The following WNK3 variants were observed in gnomAD, a reference collection of about 807,000 sequenced individuals.
The protein encoded by WNK3 is serine/threonine-protein kinase WNK3.
A neutral mutation model predicts 116.7 loss-of-function variants in WNK3; 18 were observed. The observed-to-expected ratio is 0.15, with a 90% CI of 0.11 to 0.23. WNK3 has a LOEUF of 0.23. Among genes scored for constraint, WNK3 ranks in the 10% least tolerant of loss-of-function variants. The pLI, the probability that WNK3 is intolerant of heterozygous loss-of-function variation, is 1.00. For synonymous variants in WNK3, 404 were observed against 469.4 expected (o/e 0.86, Z 1.80); for missense variants, 993 against 1,323.8 (o/e 0.75, Z 3.88).
At chrX:54,338,650 A>G (rs1347842121) in intron 1 of WNK3, among the ~76,000 whole-genome samples, 5 of 109,796 alleles carry the variant, frequency 4.6e-5, no homozygotes, top group Non-Finnish European at 9.5e-5. Flanking sequence ...GAGGAGTGGC[A>G]AGTACTGGTG....
intron 1 of WNK3, among the ~76,000 whole-genome samples, chrX:54,342,733 A>G (rs1557176689): frequency 9.0e-6 from 1 of 111,209 alleles, no homozygotes; most frequent in Non-Finnish European, 1.9e-5. Context: ...TAAAGGCCTG[A>G]CAACAATAAA....
At chrX:54,301,068 C>T (rs781919697) in intron 6 of WNK3, among the ~76,000 whole-genome samples, 2 of 108,404 alleles carry the variant, frequency 1.8e-5, no homozygotes, top group Non-Finnish European at 3.8e-5. Context: ...CATGGTAAAA[C>T]CCTGTCTCTA....
At chrX:54,249,305 C>A in exon 17 of WNK3, 2 of 1,212,077 alleles carry the variant, frequency 1.7e-6, no homozygotes, top group Non-Finnish European at 2.2e-6. Context: ...ATAAGTGCAT[C>A]AGCCTGACTG....
intron 2 of WNK3, among the ~76,000 whole-genome samples, chrX:54,323,046 G>A (rs782524462): frequency 2.4e-4 from 27 of 110,753 alleles, no homozygotes; most frequent in African/African-American, 6.9e-4. Context: ...TAAAATCAGC[G>A]GGCAAAAGTT....
At chrX:54,351,937 A>C (rs1557178580) in intron 1 of WNK3, among the ~76,000 whole-genome samples, 4 of 111,701 alleles carry the variant, frequency 3.6e-5, no homozygotes, top group African/African-American at 1.3e-4. Flanking sequence ...CAAAACAATA[A>C]AATAAAGCAG....
intron 1 of WNK3, among the ~76,000 whole-genome samples, chrX:54,349,023 T>C (rs1218719359): frequency 1.2e-4 from 13 of 112,169 alleles, no homozygotes. Flanking sequence ...TCAGTAATCA[T>C]TACAAAATGT....
Position 54,237,030 on chromosome X carries a change from G to A in WNK3, c.4536C>T (p.Leu1512=), listed in dbSNP as rs2067968582. Residue 1512 remains leucine, a synonymous_variant, in exon 20 of 24, where the codon CTC becomes CTT. Coordinates refer to ENST00000354646, the Ensembl canonical transcript of WNK3. The stretch of plus-strand genomic sequence containing the variant: ...TCATTGGGGAAGATGGCGAATAGAA[G>A]AGTGAACTCTGTGTTTGAGCATAAG... 13 of 1,212,069 alleles carry A rather than the reference G, an allele frequency of 1.1e-5. No homozygotes were observed. The East Asian group carries it at 1.8e-4, about 17-fold the overall frequency.
At chrX:54,194,627 G>T (rs1569534479) in exon 24 of WNK3, 2 of 110,909 alleles carry the variant, frequency 1.8e-5, no homozygotes, top group African/African-American at 6.6e-5. Context: ...GAAGCACATG[G>T]CTCTCCACTT....
At chrX:54,266,452 T>G (rs1290023087) in intron 10 of WNK3, among the ~76,000 whole-genome samples, 1 of 111,732 alleles carries the variant, frequency 8.9e-6, no homozygotes, top group Non-Finnish European at 1.9e-5. Flanking sequence ...ATAATTAGAT[T>G]GTAACACAAA....
At chrX:54,302,727 CTCTCTATATA>C (rs2068773853) in intron 5 of WNK3, among the ~76,000 whole-genome samples, 1 of 32,939 alleles carries the variant, frequency 3.0e-5, no homozygotes, top group African/African-American at 1.1e-4. Flanking sequence ...CTCTCTCTCT[CTCTCTATATA>C]TATATATATA....
Position 54,240,310 on chromosome X carries a change from A to C in WNK3, c.3652-1211T>G, listed in dbSNP as rs187995978. On this transcript the variant is annotated intron_variant, in intron 17 of 23. Transcript: ENST00000354646. ...AAGAACGAAACTCTTGTTTCAAAAA[A>C]AAAAAAACAAAAAAACAAACACAAA... 5.6e-3 allele frequency among the ~76,000 whole-genome samples: 622 copies of C among 111,016 alleles called. 3 individuals are homozygous for C. The highest frequency in any genetic ancestry group is 0.019 in the African/African-American group (592 of 30,643).
chrX:54,271,516 T>C (rs1331507113), intron 10 of WNK3, among the ~76,000 whole-genome samples: 1 of 111,995 alleles, frequency 8.9e-6, no homozygotes, highest in East Asian at 2.8e-4. Context: ...GAATAGAGAA[T>C]ATGTGGTATA....
At chrX:54,239,312 C>T (rs1257860269) in intron 17 of WNK3, among the ~76,000 whole-genome samples, 1 of 110,001 alleles carries the variant, frequency 9.1e-6, no homozygotes, top group African/African-American at 3.3e-5. Context: ...ACCCAAAGTA[C>T]TCAATTTATA....
chrX:54,243,232 G>A (rs781821198), intron 17 of WNK3, among the ~76,000 whole-genome samples: 2 of 106,883 alleles, frequency 1.9e-5, no homozygotes, highest in African/African-American at 6.8e-5. Flanking sequence ...TGGCTAACAC[G>A]TTGAAACCCC....
intron 22 of WNK3, chrX:54,223,413 C>T (rs981896140): frequency 6.9e-5 from 8 of 115,357 alleles, no homozygotes; most frequent in African/African-American, 1.6e-4. Flanking sequence ...TGATGAATCC[C>T]GTTTGAGAAA....
intron 4 of WNK3, among the ~76,000 whole-genome samples, chrX:54,308,774 A>C (rs1156473084): frequency 8.9e-6 from 1 of 111,817 alleles, no homozygotes; most frequent in Non-Finnish European, 1.9e-5. Context: ...AATATATAAT[A>C]GGTATTTCAA....
chrX:54,199,341 T>C (rs1051901071), intron 23 of WNK3, among the ~76,000 whole-genome samples: 2 of 110,828 alleles, frequency 1.8e-5, no homozygotes, highest in Non-Finnish European at 3.8e-5. Context: ...TTTTGGAATC[T>C]GTTCACTTCT....
At chrX:54,338,321 C>A (rs910498658) in intron 1 of WNK3, among the ~76,000 whole-genome samples, 1 of 110,234 alleles carries the variant, frequency 9.1e-6, no homozygotes, top group Admixed American at 9.8e-5. Context: ...ACTTGGGAGG[C>A]TGAAGCTCAA....
chrX:54,301,419 T>C (rs896592367), intron 6 of WNK3, among the ~76,000 whole-genome samples: 2 of 110,799 alleles, frequency 1.8e-5, no homozygotes, highest in Non-Finnish European at 3.8e-5. Flanking sequence ...ATCATGACAC[T>C]AAAGATATAG....
Sources: allele counts gnomAD v4.1 joint callset (sites outside exome capture counted in the v4.1 genomes callset), GRCh38; gene constraint gnomAD v4.1.1; transcripts MANE v1.5; gene names NCBI Gene and HGNC (gene_info 2026-07-23, HGNC 2026-07-21).